ADGRG7: variants seen among roughly 807,000 people sequenced by gnomAD.
The protein encoded by ADGRG7 is adhesion G protein-coupled receptor G7, also known as G-protein coupled receptor 128.
Under a neutral mutation model 88.6 loss-of-function variants are expected in ADGRG7, and 82 were observed. The observed-to-expected ratio is 0.93, with a 90% CI of 0.77 to 1.11. The LOEUF is 1.11. Ranked by LOEUF, ADGRG7 falls within the 50% of genes most tolerant of loss-of-function variation. The pLI is 0.00. For synonymous variants in ADGRG7, 381 were observed against 345.2 expected, an observed-to-expected ratio of 1.10 and a Z score of -1.15; for missense variants, 945 against 953.4, an observed-to-expected ratio of 0.99 and a Z score of 0.12.
At chr3:100,662,901 A>AAAAGT (rs1305955930) in intron 14 of ADGRG7, among the ~76,000 whole-genome samples, 12 of 152,154 alleles carry the variant, frequency 7.9e-5, no homozygotes, top group African/African-American at 2.9e-4. Flanking sequence ...AATATACTTG[A>AAAAGT]AAAGAACAAT....
At chr3:100,676,929 T>G (rs1415987316) in intron 15 of ADGRG7, among the ~76,000 whole-genome samples, 1 of 152,062 alleles carries the variant, frequency 6.6e-6, no homozygotes, top group Non-Finnish European at 1.5e-5. Flanking sequence ...CTGCTCTTTT[T>G]CGGTTTCTGT....
At chr3:100,615,159 A>T (rs1469759316) in intron 1 of ADGRG7, among the ~76,000 whole-genome samples, 1 of 152,180 alleles carries the variant, frequency 6.6e-6, no homozygotes, top group Non-Finnish European at 1.5e-5. Flanking sequence ...CTCTGCTACC[A>T]ATTAATTACT....
intron 1 of ADGRG7, among the ~76,000 whole-genome samples, chr3:100,613,632 A>T (rs1007120072): frequency 6.6e-6 from 1 of 152,184 alleles, no homozygotes; most frequent in Non-Finnish European, 1.5e-5. Context: ...GGATTATTTT[A>T]ATATCAGAAT....
intron 14 of ADGRG7, among the ~76,000 whole-genome samples, chr3:100,668,257 T>C (rs181044131): frequency 6.6e-6 from 1 of 152,300 alleles, no homozygotes; most frequent in East Asian, 1.9e-4. Context: ...ATGACTCACT[T>C]TCATGTCTGG....
intron 15 of ADGRG7, among the ~76,000 whole-genome samples, chr3:100,686,271 A>G (rs559692727): frequency 2.0e-5 from 3 of 152,104 alleles, no homozygotes; most frequent in Admixed American, 2.0e-4. Context: ...GATTCTGGAT[A>G]TTAGCCCTTT....
chr3:100,626,454 A>G (rs1173088775), intron 1 of ADGRG7, among the ~76,000 whole-genome samples: 1 of 152,172 alleles, frequency 6.6e-6, no homozygotes, highest in Non-Finnish European at 1.5e-5. Flanking sequence ...TTCCATCCAT[A>G]CAAGGTATAT....
intron 11 of ADGRG7, among the ~76,000 whole-genome samples, chr3:100,650,534 A>G (rs917844301): frequency 5.9e-5 from 9 of 152,216 alleles, no homozygotes; most frequent in East Asian, 3.8e-4. Context: ...ATGTTCCACA[A>G]TGAAGATTTG....
intron 10 of ADGRG7, among the ~76,000 whole-genome samples, chr3:100,647,385 G>A (rs1368808054): frequency 6.6e-6 from 1 of 152,168 alleles, no homozygotes; most frequent in Non-Finnish European, 1.5e-5. Context: ...GTGTGCCAGA[G>A]ACAGGTTCAA....
At chr3:100,612,989 A>C (rs1303792995) in intron 1 of ADGRG7, among the ~76,000 whole-genome samples, 2 of 152,174 alleles carry the variant, frequency 1.3e-5, no homozygotes, top group African/African-American at 4.8e-5. Context: ...TCCTGAGTTC[A>C]AGCGATTCTC....
intron 15 of ADGRG7, among the ~76,000 whole-genome samples, chr3:100,671,366 G>A (rs138382058): frequency 8.3e-4 from 126 of 152,290 alleles, no homozygotes; most frequent in African/African-American, 2.8e-3. Context: ...AGAAGTGTCT[G>A]TTCATATCCT....
intron 1 of ADGRG7, 39 bp downstream of exon 1, chr3:100,610,010 A>G (rs747996876): frequency 2.0e-6 from 3 of 1,531,538 alleles, no homozygotes; most frequent in South Asian, 2.2e-5. Context: ...GAGTAAGAGA[A>G]GGTATGGGAC....
At position 100,609,634 on chromosome 3, in the gene ADGRG7, G is replaced by A. The variant is rs1707116302; in HGVS notation, c.-223G>A. 2 of 409,488 alleles carry A rather than the reference G, an allele frequency of 4.9e-6. No individual in the cohort carries two copies. Among genetic ancestry groups the A allele is most frequent in the Non-Finnish European group, 9.2e-6 (2 of 216,386 alleles). The allele number at this position is 409,488 out of a possible 1,614,324, so 25.4% of individuals were successfully genotyped here. ...CATGTTCTCCTTGAGTGAAGGATGAGGAAATTGAAAGCAGAGTATGCACCT... is the reference window on the plus strand; with the variant it reads ...CATGTTCTCCTTGAGTGAAGGATGAAGAAATTGAAAGCAGAGTATGCACCT... On this transcript the variant is annotated 5_prime_UTR_variant, in exon 1 of 16. Coordinates refer to ENST00000273352, the MANE Select transcript of ADGRG7 (RefSeq NM_032787.3).
intron 14 of ADGRG7, among the ~76,000 whole-genome samples, chr3:100,667,410 A>G (rs2094953307): frequency 6.6e-6 from 1 of 152,116 alleles, no homozygotes; most frequent in African/African-American, 2.4e-5. Flanking sequence ...CCCACCTGTG[A>G]GTGAGAACAT....
intron 14 of ADGRG7, among the ~76,000 whole-genome samples, chr3:100,664,265 T>A (rs1396491839): frequency 6.6e-6 from 1 of 152,154 alleles, no homozygotes; most frequent in Non-Finnish European, 1.5e-5. Context: ...ACATTTAAAA[T>A]AACTAGTGTT....
chr3:100,673,467 CTTT>C (rs34998185), intron 15 of ADGRG7, among the ~76,000 whole-genome samples: 4 of 136,670 alleles, frequency 2.9e-5, no homozygotes, highest in Non-Finnish European at 3.2e-5. Flanking sequence ...TTTTCTTCTT[CTTT>C]TTTTTTTTTT....
chr3:100,626,651 G>A (rs1425142047), intron 1 of ADGRG7, among the ~76,000 whole-genome samples: 1 of 152,162 alleles, frequency 6.6e-6, no homozygotes, highest in Non-Finnish European at 1.5e-5. Context: ...TGGGCATGGT[G>A]GCATGTGCCC....
intron 14 of ADGRG7, among the ~76,000 whole-genome samples, chr3:100,662,857 T>A (rs2094947182): frequency 8.3e-6 from 1 of 120,016 alleles, no homozygotes; most frequent in Non-Finnish European, 2.0e-5. Context: ...GGAGTTATTA[T>A]CGGGGGATGG....
intron 5 of ADGRG7, among the ~76,000 whole-genome samples, chr3:100,636,264 A>G (rs1442490524): frequency 6.6e-6 from 1 of 152,220 alleles, no homozygotes; most frequent in Non-Finnish European, 1.5e-5. Context: ...TGGAATGCAT[A>G]AGTCTACTTC....
chr3:100,661,647 C>T (rs2094945830), intron 14 of ADGRG7, among the ~76,000 whole-genome samples: 1 of 152,102 alleles, frequency 6.6e-6, no homozygotes, highest in Non-Finnish European at 1.5e-5. Context: ...GTGGGAACTG[C>T]CCTGGCATGT....
Sources: gnomAD v4.1 joint callset for allele counts (sites outside exome capture counted in the v4.1 genomes callset) on GRCh38, gnomAD v4.1.1 for gene constraint, MANE v1.5 for transcripts, NCBI Gene and HGNC (gene_info 2026-07-23, HGNC 2026-07-21) for gene names.